The following FLT1 variants were observed in gnomAD, a reference collection of about 807,000 sequenced individuals.
FLT1 encodes the protein fms related receptor tyrosine kinase 1.
Under a neutral mutation model 156.3 loss-of-function variants are expected in FLT1, and 49 were observed. The ratio of observed to expected loss-of-function variants is 0.31; its 90% confidence interval spans 0.25 to 0.40. FLT1 has a LOEUF of 0.40. FLT1 is among the 10% of genes least tolerant of loss of function. The pLI, the probability that FLT1 is intolerant of heterozygous loss-of-function variation, is 1.00. For missense variants in FLT1, 1,322 were observed against 1,637.2 expected (o/e 0.81, Z 3.32); for synonymous variants, 594 against 583.8 (o/e 1.02, Z -0.25).
chr13:28,434,306 T>A (rs1877897481), intron 4 of FLT1, 86 bp from the exon 5 acceptor site: 1 of 1,272,756 alleles, frequency 7.9e-7, no homozygotes, highest in Admixed American at 1.8e-5. Flanking sequence ...AAAACATGAT[T>A]TTTCATCTAA....
chr13:28,319,260 G>C (rs144381727), intron 24 of FLT1, among the ~76,000 whole-genome samples, 163 bp downstream of exon 24: 2 of 152,094 alleles, frequency 1.3e-5, no homozygotes, highest in South Asian at 4.2e-4. Flanking sequence ...GCAGACATGC[G>C]TACGCCATTA....
intron 1 of FLT1, among the ~76,000 whole-genome samples, chr13:28,471,503 T>A (rs550328200): frequency 6.6e-6 from 1 of 152,334 alleles, no homozygotes; most frequent in East Asian, 1.9e-4. Context: ...TAGCATCTAC[T>A]GCATGCTAGA....
chr13:28,451,161 G>A (rs779262165), intron 3 of FLT1, among the ~76,000 whole-genome samples: 1 of 152,188 alleles, frequency 6.6e-6, no homozygotes, highest in African/African-American at 2.4e-5. Flanking sequence ...GGTGGCTGAC[G>A]CCTGTCATCC....
chr13:28,409,337 C>T (rs965587859), intron 10 of FLT1, among the ~76,000 whole-genome samples: 2 of 151,308 alleles, frequency 1.3e-5, no homozygotes, highest in Non-Finnish European at 2.9e-5. Context: ...GTCAAACCTA[C>T]GATCTTTCTT....
At chr13:28,493,479 G>T (rs530987239) in intron 1 of FLT1, among the ~76,000 whole-genome samples, 15 of 152,102 alleles carry the variant, frequency 9.9e-5, no homozygotes, top group Non-Finnish European at 2.2e-4. Flanking sequence ...CACTGAGAAA[G>T]AATATTTAAT....
Position 28,436,136 on chromosome 13 carries a change from C to T in FLT1, c.514-1916G>A, listed in dbSNP as rs1163512238. ...ATTGACAAAGTAACTTTACATTTAG[C>T]TGACAAGATCTAAAGCAGTCAAAGA... On this transcript the variant is annotated intron_variant, in intron 4 of 29. Transcript: ENST00000282397. 2.0e-5 allele frequency among the ~76,000 whole-genome samples: 3 copies of T among 152,180 alleles called. No homozygotes were observed. The East Asian group carries it at 5.8e-4, about 29-fold the overall frequency.
chr13:28,388,977 C>G, intron 13 of FLT1: 4 of 1,064,932 alleles, frequency 3.8e-6, no homozygotes, highest in Non-Finnish European at 4.5e-6. Context: ...TACTGTGGCA[C>G]TAACTGCATA....
intron 17 of FLT1, among the ~76,000 whole-genome samples, chr13:28,334,482 T>G (rs188667269): frequency 1.3e-5 from 2 of 152,362 alleles, no homozygotes; most frequent in African/African-American, 2.4e-5. Flanking sequence ...AAGACTTCCC[T>G]GTGTGGAACC....
chr13:28,480,611 C>T (rs1411714460), intron 1 of FLT1, among the ~76,000 whole-genome samples: 34 of 152,206 alleles, frequency 2.2e-4, no homozygotes, highest in Non-Finnish European at 1.9e-4. Context: ...AAGACTTCCA[C>T]ATCTTTCCAC....
chr13:28,481,442 T>TACAAACACACAC, intron 1 of FLT1, among the ~76,000 whole-genome samples: 1 of 142,648 alleles, frequency 7.0e-6, no homozygotes, highest in African/African-American at 2.6e-5. Flanking sequence ...CCTCCGCTTA[T>TACAAACACACAC]ACACACACAC....
At chr13:28,350,466 G>A (rs1441685332) in intron 15 of FLT1, among the ~76,000 whole-genome samples, 2 of 152,040 alleles carry the variant, frequency 1.3e-5, no homozygotes, top group African/African-American at 2.4e-5. Context: ...TGACGTCTCT[G>A]CAGCTGCGCA....
chr13:28,365,364 T>C (rs1873253824), intron 14 of FLT1, among the ~76,000 whole-genome samples: 1 of 152,116 alleles, frequency 6.6e-6, no homozygotes, highest in Admixed American at 6.6e-5. Flanking sequence ...ACTCCCTTTT[T>C]TTTTTTGAGG....
intron 10 of FLT1, among the ~76,000 whole-genome samples, chr13:28,425,999 G>A (rs1877318154): frequency 1.3e-5 from 2 of 152,118 alleles, no homozygotes; most frequent in South Asian, 2.1e-4. Flanking sequence ...TAGCTCACCA[G>A]TAACTTTCCA....
rs766221133 is a variant in FLT1, at chr13:28,319,462, A to G, written c.3247T>C (p.Trp1083Arg). The change falls in exon 24 of 30, where the codon TGG becomes CGG. Residue 1083 changes from tryptophan to arginine, a missense_variant. Around this residue, in one of 3 missense-constraint regions of FLT1, gnomAD observed 329 missense variants for 366.2 expected, o/e 0.90. Coordinates refer to ENST00000282397, the MANE Select transcript of FLT1 (RefSeq NM_002019.4). ...TCCCACAGCAATACTCCGTAAGACC[A>G]CACGTCGCTCTTGGTGCTGTAGATT... Reference protein sequence around the residue: ...DKIYSTKSDVWSYGVLLWEIF... With the variant: ...DKIYSTKSDVRSYGVLLWEIF... The G allele has an allele frequency of 6.2e-7, 1 of 1,613,844 alleles. No homozygotes were observed. The highest frequency in any genetic ancestry group is 2.2e-5 in the East Asian group (1 of 44,872).
chr13:28,322,070 G>A lies in FLT1; in HGVS notation c.3051+192C>T, dbSNP rs1345038792. On this transcript the variant is annotated intron_variant, in intron 22 of 29. Transcript: ENST00000282397. This position sits in a 1 kb window ranked among gnomAD's most constrained non-coding sequence, Gnocchi z 4.3. ...ACCTGTGAGTTTTCCCCAGAATTAA[G>A]TTCTATCCACTGGTATCCATGACTC... Among the ~76,000 whole-genome samples the A allele has an allele frequency of 6.6e-6, 1 of 152,186 alleles. No homozygotes were observed. The highest frequency in any genetic ancestry group is 1.5e-5 in the Non-Finnish European group (1 of 68,036).
chr13:28,400,097 C>T (rs1025912100), intron 11 of FLT1, among the ~76,000 whole-genome samples: 3 of 152,190 alleles, frequency 2.0e-5, no homozygotes, highest in African/African-American at 7.2e-5. Flanking sequence ...AATCTCTACA[C>T]CAGATTGCTT....
chr13:28,472,765 C>T lies in FLT1; in HGVS notation c.65-5148G>A, dbSNP rs375103159. 6.4e-4 allele frequency among the ~76,000 whole-genome samples: 98 copies of T among 152,240 alleles called. 1 individual carries two copies. The East Asian group carries it at 0.015, about 23-fold the overall frequency. ...CCATGGGCGGGCCACATTAAGCCTC[C>T]GATTCTTCATCTGTCAACACAGGAG... On this transcript the variant is annotated intron_variant, in intron 1 of 29. Coordinates refer to ENST00000282397, the MANE Select transcript of FLT1 (RefSeq NM_002019.4).
chr13:28,430,301 C>A, intron 7 of FLT1, 134 bp from the exon 8 acceptor site: 1 of 698,600 alleles, frequency 1.4e-6, no homozygotes, highest in Non-Finnish European at 2.6e-6. Context: ...TATCAATGAG[C>A]CCAAATGTTG....
intron 10 of FLT1, among the ~76,000 whole-genome samples, chr13:28,421,514 A>G (rs750785320): frequency 4.1e-5 from 6 of 145,612 alleles, no homozygotes; most frequent in South Asian, 2.2e-4. Context: ...CTTGGCCCCA[A>G]TGGTGGAGGA....
Sources: gnomAD v4.1 joint callset for allele counts (sites outside exome capture counted in the v4.1 genomes callset) on GRCh38, gnomAD v4.1.1 for gene constraint, gnomAD v4.1.1 regional missense constraint, Gnocchi (gnomAD v3.1) non-coding constraint, MANE v1.5 for transcripts, NCBI Gene and HGNC (gene_info 2026-07-23, HGNC 2026-07-21) for gene names.